CSAG3: variants seen among roughly 807,000 people sequenced by gnomAD.
The protein encoded by CSAG3 is CSAG family member 3.
For synonymous variants in CSAG3, 4 were observed against 34.0 expected (o/e 0.12, Z 3.07); for missense variants, 15 against 93.0 (o/e 0.16, Z 3.45).
upstream of CSAG3, chrX:152,758,829 T>TCTCTTTCTC (rs1932603172): frequency 2.0e-5 from 1 of 50,634 alleles, no homozygotes; most frequent in African/African-American, 7.2e-5. Flanking sequence ...CTCTCTCTCT[T>TCTCTTTCTC]TCTCTCTCTC....
At chrX:152,760,050 T>TG in exon 2 of CSAG3, 4 of 593,909 alleles carry the variant, frequency 6.7e-6, no homozygotes, top group South Asian at 2.7e-5. Flanking sequence ...CCTTCTCCAG[T>TG]CTCTCTTCGG....
At chrX:152,757,676 A>G (rs1269131749), upstream of CSAG3, among the ~76,000 whole-genome samples, 2 of 44,804 alleles carry the variant, frequency 4.5e-5, no homozygotes. Flanking sequence ...GGATGCTTCT[A>G]TTTTTGGTGA....
chrX:152,759,145 A>G, upstream of CSAG3: 1 of 254,471 alleles, frequency 3.9e-6, no homozygotes, highest in South Asian at 4.1e-5. Context: ...TCCTCCTAGA[A>G]AAAAAAAAAG....
chrX:152,758,829 T>TCTCTCTCTC (rs1932603172), upstream of CSAG3: 1 of 50,633 alleles, frequency 2.0e-5, no homozygotes, highest in African/African-American at 7.2e-5. Flanking sequence ...CTCTCTCTCT[T>TCTCTCTCTC]TCTCTCTCTC....
upstream of CSAG3, chrX:152,758,829 T>TTCTCTCTCTCTC (rs1170908672): frequency 9.9e-5 from 5 of 50,647 alleles, no homozygotes; most frequent in Admixed American, 5.3e-4. Flanking sequence ...CTCTCTCTCT[T>TTCTCTCTCTCTC]TCTCTCTCTC....
chrX:152,759,078 A>G (rs1415551490), upstream of CSAG3: 1 of 230,830 alleles, frequency 4.3e-6, no homozygotes, highest in Admixed American at 6.8e-5. Context: ...GCATTTTGTT[A>G]TGGCAGCCTG....
upstream of CSAG3, among the ~76,000 whole-genome samples, chrX:152,758,612 A>C (rs1255779225): frequency 2.1e-4 from 7 of 33,964 alleles, no homozygotes; most frequent in African/African-American, 8.1e-4. Context: ...TTCTTTGCTA[A>C]TGCTTATGTC....
chrX:152,758,551 C>T (rs1401081616), upstream of CSAG3, among the ~76,000 whole-genome samples: 5 of 15,326 alleles, frequency 3.3e-4, no homozygotes, highest in Admixed American at 1.2e-3. Flanking sequence ...TGACTATATG[C>T]GTGCAGGTCT....
exon 1 of CSAG3, chrX:152,759,565 G>C: frequency 3.3e-6 from 4 of 1,207,484 alleles, no homozygotes; most frequent in Non-Finnish European, 4.5e-6. Flanking sequence ...ACGCTGGTCT[G>C]GTGAAGATGT....
chrX:152,758,843 C>CTCTT (rs1345159431), upstream of CSAG3: 2 of 84,098 alleles, frequency 2.4e-5, no homozygotes, highest in Non-Finnish European at 4.5e-5. Context: ...CTCTCTCTCT[C>CTCTT]TCTCTCTCTC....
chrX:152,758,833 C>CTCTCTCTCTCTCTCTT (rs1932605599), upstream of CSAG3: 1 of 22,705 alleles, frequency 4.4e-5, no homozygotes, highest in Non-Finnish European at 8.6e-5. Flanking sequence ...CTCTCTTTCT[C>CTCTCTCTCTCTCTCTT]TCTCTCTCTC....
rs1249681615 is a variant in CSAG3, at chrX:152,759,406, TAAGAG to T, written c.39_43del (p.Lys15ProfsTer13). On this transcript the variant is annotated frameshift_variant, in exon 1 of 2. Transcript: ENST00000599845. LOFTEE classifies it high-confidence loss of function. ...GCCTCATCCAATTAGTTGAAGGTGT[TAAGAG>T]AAAAGACCAAGGTTTCCTGGAAAAG... The T allele has an allele frequency of 9.9e-5, 93 of 944,135 alleles. No individual in the cohort carries two copies. The highest frequency in any genetic ancestry group is 1.3e-4 in the Non-Finnish European group (87 of 665,961). The allele number at this position is 944,135 out of a possible 1,213,427, so 77.8% of individuals were successfully genotyped here.
upstream of CSAG3, among the ~76,000 whole-genome samples, chrX:152,757,615 ATATATATATG>A (rs1292555528): frequency 4.1e-3 from 183 of 44,913 alleles, 31 homozygotes; most frequent in African/African-American, 0.022. Context: ...TTATATATAT[ATATATATATG>A]TATATATATA....
chrX:152,755,248 G>GTT (rs1932561394), upstream of CSAG3: 1 of 158,118 alleles, frequency 6.3e-6, no homozygotes, highest in Non-Finnish European at 1.1e-5. Flanking sequence ...TTTAAGCTGA[G>GTT]TTTACATTTT....
At chrX:152,758,807 C>T (rs1932599971), upstream of CSAG3, 2 of 69,993 alleles carry the variant, frequency 2.9e-5, no homozygotes, top group African/African-American at 7.3e-5. Flanking sequence ...CATGACCTTT[C>T]TCTCTCTCTC....
upstream of CSAG3, chrX:152,758,822 TC>T (rs1932601282): frequency 2.4e-5 from 2 of 82,542 alleles, no homozygotes; most frequent in Non-Finnish European, 2.2e-5. Flanking sequence ...TCTCTCTCTC[TC>T]TCTCTTTCTC....
chrX:152,758,805 T>TTCTGTC (rs1932599253), upstream of CSAG3: 2 of 55,728 alleles, frequency 3.6e-5, no homozygotes, highest in Admixed American at 2.3e-4. Flanking sequence ...TACATGACCT[T>TTCTGTC]TCTCTCTCTC....
upstream of CSAG3, among the ~76,000 whole-genome samples, chrX:152,755,493 G>C (rs1932569267): frequency 8.8e-6 from 1 of 113,698 alleles, no homozygotes; most frequent in African/African-American, 3.2e-5. Context: ...TGATTTTGCT[G>C]TAGTAATCTG....
At chrX:152,759,106 A>G (rs1472049525), upstream of CSAG3, 1 of 257,226 alleles carries the variant, frequency 3.9e-6, no homozygotes, top group Non-Finnish European at 7.2e-6. Context: ...TTAAGACATA[A>G]CTTCAGGTGA....
Sources: gnomAD v4.1 joint callset for allele counts (sites outside exome capture counted in the v4.1 genomes callset) on GRCh38, gnomAD v4.1.1 for gene constraint, MANE v1.5 for transcripts, NCBI Gene and HGNC (gene_info 2026-07-23, HGNC 2026-07-21) for gene names.